STARD9: variants seen among roughly 807,000 people sequenced by gnomAD.
STARD9 encodes the protein stAR-related lipid transfer protein 9.
A neutral mutation model predicts 399.8 loss-of-function variants in STARD9; 346 were observed. That is an observed-to-expected ratio of 0.87 (90% CI 0.79 to 0.95). The LOEUF is 0.95. Ranked by LOEUF, STARD9 falls within the 40% of genes least tolerant of loss-of-function variation. The pLI is 0.00. For missense variants in STARD9, 5,832 were observed against 5,667.5 expected (o/e 1.03, Z -0.93); for synonymous variants, 2,203 against 2,143.5 (o/e 1.03, Z -0.77).
chr15:42,713,993 T>C (rs1398083313), intron 26 of STARD9, among the ~76,000 whole-genome samples: 1 of 152,158 alleles, frequency 6.6e-6, no homozygotes, highest in African/African-American at 2.4e-5. Context: ...CTAATGAAGC[T>C]ATCTTGAAAT....
At chr15:42,604,372 C>T (rs1441774677) in intron 3 of STARD9, among the ~76,000 whole-genome samples, 3 of 152,098 alleles carry the variant, frequency 2.0e-5, no homozygotes, top group Non-Finnish European at 4.4e-5. Context: ...ATTCAGCATG[C>T]ATTTACATAA....
chr15:42,587,782 C>G (rs2058307121), intron 3 of STARD9, among the ~76,000 whole-genome samples: 1 of 152,154 alleles, frequency 6.6e-6, no homozygotes, highest in Non-Finnish European at 1.5e-5. Context: ...TCAGGCTGAT[C>G]TCGAACTCCC....
chr15:42,616,810 G>C (rs185003255), intron 3 of STARD9, among the ~76,000 whole-genome samples: 1 of 148,766 alleles, frequency 6.7e-6, no homozygotes, highest in Non-Finnish European at 1.5e-5. Flanking sequence ...AGAATGGCAC[G>C]AACCCAGGAG....
intron 4 of STARD9, among the ~76,000 whole-genome samples, chr15:42,635,581 G>A (rs957996735): frequency 4.6e-5 from 7 of 151,876 alleles, no homozygotes; most frequent in Non-Finnish European, 8.8e-5. Flanking sequence ...TGCCCGCCTC[G>A]GCCTCCCAAA....
At chr15:42,646,162 A>G (rs1340691796) in intron 7 of STARD9, among the ~76,000 whole-genome samples, 1 of 151,968 alleles carries the variant, frequency 6.6e-6, no homozygotes, top group Admixed American at 6.6e-5. Context: ...ACTCCGTCTC[A>G]ACAACAACAA....
chr15:42,713,967 C>G (rs1393352381), intron 26 of STARD9, among the ~76,000 whole-genome samples: 1 of 151,468 alleles, frequency 6.6e-6, no homozygotes. Flanking sequence ...ATTCCTTAAA[C>G]GTTTGGTAGA....
chr15:42,580,969 C>A (rs2058156781), intron 1 of STARD9, among the ~76,000 whole-genome samples: 2 of 152,156 alleles, frequency 1.3e-5, no homozygotes, highest in Admixed American at 1.3e-4. Context: ...GCTCATCTTC[C>A]CATCATTTGG....
intron 3 of STARD9, among the ~76,000 whole-genome samples, chr15:42,623,138 G>C (rs2059124943): frequency 6.6e-6 from 1 of 152,174 alleles, no homozygotes; most frequent in African/African-American, 2.4e-5. Flanking sequence ...TGTAATCCCA[G>C]CTACCTGGGA....
chr15:42,577,421 A>G (rs538976114), intron 1 of STARD9, among the ~76,000 whole-genome samples: 13 of 152,208 alleles, frequency 8.5e-5, no homozygotes, highest in South Asian at 2.1e-4. Flanking sequence ...CCAAAGTGCT[A>G]GGATTAGAGG....
intron 26 of STARD9, among the ~76,000 whole-genome samples, chr15:42,706,312 T>G (rs1349718027): frequency 6.6e-6 from 1 of 152,214 alleles, no homozygotes; most frequent in Non-Finnish European, 1.5e-5. Context: ...AATAGGTTTT[T>G]TCGTTCCTTT....
At chr15:42,658,592 C>T (rs1047213864) in intron 9 of STARD9, among the ~76,000 whole-genome samples, 14 of 151,940 alleles carry the variant, frequency 9.2e-5, no homozygotes, top group African/African-American at 2.7e-4. Context: ...AAGTGATTCT[C>T]CTGCCTCAGC....
intron 3 of STARD9, among the ~76,000 whole-genome samples, chr15:42,619,755 A>C (rs960197904): frequency 6.6e-6 from 1 of 152,156 alleles, no homozygotes; most frequent in Non-Finnish European, 1.5e-5. Flanking sequence ...CTGCCTGCCC[A>C]CCACTCACCT....
intron 7 of STARD9, among the ~76,000 whole-genome samples, chr15:42,650,756 A>G (rs550595455): frequency 1.3e-5 from 2 of 152,338 alleles, no homozygotes; most frequent in East Asian, 3.9e-4. Context: ...AGTTGTTGTT[A>G]GCATATGGTC....
At chr15:42,694,968 TTC>T (rs1404047226) in intron 24 of STARD9, among the ~76,000 whole-genome samples, 170 bp from the exon 25 acceptor site, 5 of 152,046 alleles carry the variant, frequency 3.3e-5, no homozygotes, top group Admixed American at 2.0e-4. Flanking sequence ...GGTGGCTTGG[TTC>T]TCTCTGTCCA....
At chr15:42,602,862 C>T (rs1356973708) in intron 3 of STARD9, among the ~76,000 whole-genome samples, 1 of 152,190 alleles carries the variant, frequency 6.6e-6, no homozygotes, top group Non-Finnish European at 1.5e-5. Context: ...TCATCCCACC[C>T]CTTTTGTTAC....
rs1020272522 is a variant in STARD9, at chr15:42,718,356, G to T, written c.13763-79G>T. 34 of 1,315,426 alleles carry T rather than the reference G, an allele frequency of 2.6e-5. No homozygotes were observed. The Admixed American group carries it at 4.8e-4, about 18-fold the overall frequency. The allele number at this position is 1,315,426 out of a possible 1,614,324, so 81.5% of individuals were successfully genotyped here. On this transcript the variant is annotated intron_variant, in intron 30 of 32. Coordinates refer to ENST00000290607, the MANE Select transcript of STARD9 (RefSeq NM_020759.3). ...GTGTCAAGTGATGGGGTGTTGGGGG[G>T]AGGGCTCCCTGACCAGGAAGGCTTT...
At chr15:42,656,678 C>G (rs531654468) in intron 9 of STARD9, among the ~76,000 whole-genome samples, 2 of 152,056 alleles carry the variant, frequency 1.3e-5, no homozygotes, top group Non-Finnish European at 2.9e-5. Context: ...TTTGCAGCAA[C>G]CTGGATGGAA....
intron 1 of STARD9, chr15:42,581,235 GC>G: frequency 1.2e-6 from 1 of 803,198 alleles, no homozygotes; most frequent in South Asian, 1.3e-5. Context: ...CAGTTAAGGT[GC>G]CAGGGCTAGT....
intron 2 of STARD9, among the ~76,000 whole-genome samples, chr15:42,585,026 T>C (rs1478429971): frequency 6.6e-6 from 1 of 152,294 alleles, no homozygotes; most frequent in Admixed American, 6.5e-5. Context: ...TTATTAAAAA[T>C]ATTGTATAAA....
Sources: gnomAD v4.1 joint callset for allele counts (sites outside exome capture counted in the v4.1 genomes callset) on GRCh38, gnomAD v4.1.1 for gene constraint, MANE v1.5 for transcripts, NCBI Gene and HGNC (gene_info 2026-07-23, HGNC 2026-07-21) for gene names.